The following PTPRD variants were observed in gnomAD, a reference collection of about 807,000 sequenced individuals.
The protein encoded by PTPRD is protein tyrosine phosphatase receptor type D.
In PTPRD, 34 loss-of-function variants were observed where a neutral mutation model predicts 214.5. The ratio of observed to expected loss-of-function variants is 0.16; its 90% CI spans 0.12 to 0.21. The LOEUF is 0.21. Among genes scored for constraint, PTPRD ranks in the 10% least tolerant of loss-of-function variants. PTPRD has a pLI of 1.00. For synonymous variants in PTPRD, 1,128 were observed against 845.7 expected (o/e 1.33, Z -5.79); for missense variants, 2,545 against 2,398.7 (o/e 1.06, Z -1.27).
At chr9:9,097,022 T>C (rs775635775) in intron 10 of PTPRD, among the ~76,000 whole-genome samples, 1 of 152,212 alleles carries the variant, frequency 6.6e-6, no homozygotes, top group Non-Finnish European at 1.5e-5. Flanking sequence ...ACAGCAACAC[T>C]TGAAATTCAG....
At chr9:10,091,506 C>T (rs1291281598) in intron 3 of PTPRD, among the ~76,000 whole-genome samples, 2 of 151,404 alleles carry the variant, frequency 1.3e-5, no homozygotes, top group Non-Finnish European at 3.0e-5. Context: ...ATACTACTTC[C>T]TAAAATAGAA....
At chr9:8,470,359 T>C (rs867297668) in intron 31 of PTPRD, among the ~76,000 whole-genome samples, 2 of 152,142 alleles carry the variant, frequency 1.3e-5, no homozygotes, top group Non-Finnish European at 1.5e-5. Context: ...GTACCAATTA[T>C]AATGCACCTG....
At chr9:9,115,445 G>C (rs1446197530) in intron 10 of PTPRD, among the ~76,000 whole-genome samples, 1 of 152,094 alleles carries the variant, frequency 6.6e-6, no homozygotes, top group Non-Finnish European at 1.5e-5. Context: ...CCTTACCCCA[G>C]CCAGAATGGC....
intron 35 of PTPRD, among the ~76,000 whole-genome samples, chr9:8,430,285 T>G (rs991755272): frequency 2.0e-5 from 3 of 152,016 alleles, no homozygotes; most frequent in African/African-American, 7.2e-5. Context: ...TTTTACTTTT[T>G]TTCAGACAGG....
chr9:9,008,314 G>A (rs983101258), intron 11 of PTPRD, among the ~76,000 whole-genome samples: 3 of 151,160 alleles, frequency 2.0e-5, no homozygotes, highest in East Asian at 2.0e-4. Context: ...TGCAAGCTCC[G>A]CCTCCCCAGT....
chr9:9,300,610 G>A (rs1033074124), intron 9 of PTPRD, among the ~76,000 whole-genome samples: 6 of 151,688 alleles, frequency 4.0e-5, no homozygotes, highest in South Asian at 4.1e-4. Flanking sequence ...TGGGATTAGT[G>A]TCCTTATAAA....
intron 3 of PTPRD, among the ~76,000 whole-genome samples, chr9:10,220,759 GTGTT>G (rs958208798): frequency 2.0e-5 from 3 of 151,654 alleles, no homozygotes; most frequent in African/African-American, 7.3e-5. Context: ...TCTATTATAT[GTGTT>G]TGTATATATG....
intron 3 of PTPRD, among the ~76,000 whole-genome samples, chr9:10,237,386 T>C (rs1001546426): frequency 3.3e-5 from 5 of 151,952 alleles, no homozygotes; most frequent in Admixed American, 3.3e-4. Flanking sequence ...GTGTGCATTT[T>C]TCAAGTCTGG....
rs555627335 is a variant in PTPRD, at chr9:9,008,376, C to T, written c.-104+10321G>A. Among the ~76,000 whole-genome samples the T allele has an allele frequency of 2.5e-3, 380 of 151,822 alleles. 2 individuals carry two copies. The highest frequency in any genetic ancestry group is 8.2e-3 in the African/African-American group (339 of 41,430). ...CCGAGTAGCTGGGACTACAGGCTCC[C>T]GCCACCACACCCGGCTAATTTTTTG... On this transcript the variant is annotated intron_variant, in intron 11 of 45. Coordinates refer to ENST00000381196, the MANE Select transcript of PTPRD (RefSeq NM_002839.4).
chr9:8,441,085 A>G (rs1414426902), intron 34 of PTPRD, among the ~76,000 whole-genome samples: 1 of 152,194 alleles, frequency 6.6e-6, no homozygotes, highest in Non-Finnish European at 1.5e-5. Context: ...AAATGACTGA[A>G]GAGGGCTAAG....
chr9:9,368,131 G>A (rs1047245086), intron 9 of PTPRD, among the ~76,000 whole-genome samples: 5 of 151,698 alleles, frequency 3.3e-5, no homozygotes, highest in African/African-American at 4.8e-5. Context: ...TTTTAAGTAT[G>A]TCAAAAACTG....
chr9:8,398,555 C>T (rs10123746), intron 36 of PTPRD, among the ~76,000 whole-genome samples: 48,091 of 152,078 alleles, frequency 0.32, 8,238 homozygotes, highest in African/African-American at 0.44. Flanking sequence ...TATGTTAAAC[C>T]TAATCACCAC....
At chr9:10,141,718 C>G (rs1191448711) in intron 3 of PTPRD, among the ~76,000 whole-genome samples, 1 of 152,014 alleles carries the variant, frequency 6.6e-6, no homozygotes. Context: ...ATCAAGCTAA[C>G]AATGACTTTC....
At chr9:8,671,618 C>T (rs1013011085) in intron 12 of PTPRD, among the ~76,000 whole-genome samples, 1 of 152,014 alleles carries the variant, frequency 6.6e-6, no homozygotes, top group Non-Finnish European at 1.5e-5. Flanking sequence ...CAGAGAAATG[C>T]CTACACTGAA....
At chr9:8,781,324 G>A (rs2095687286) in intron 11 of PTPRD, among the ~76,000 whole-genome samples, 1 of 152,164 alleles carries the variant, frequency 6.6e-6, no homozygotes. Flanking sequence ...AGCTGTCTCT[G>A]AAGCCTGTGG....
chr9:9,546,248 T>A (rs1035305335), intron 8 of PTPRD, among the ~76,000 whole-genome samples: 3 of 151,846 alleles, frequency 2.0e-5, no homozygotes, highest in Admixed American at 2.0e-4. Flanking sequence ...TTTTGGAATT[T>A]TTACATAGAA....
intron 5 of PTPRD, among the ~76,000 whole-genome samples, chr9:9,829,090 T>C (rs931656559): frequency 6.6e-6 from 1 of 151,838 alleles, no homozygotes; most frequent in African/African-American, 2.4e-5. Context: ...TTTAAACATA[T>C]TTTACATTTA....
chr9:9,196,376 A>C (rs968882335), intron 9 of PTPRD, among the ~76,000 whole-genome samples: 6 of 152,200 alleles, frequency 3.9e-5, no homozygotes, highest in Non-Finnish European at 5.9e-5. Context: ...CCTTGCTCTG[A>C]AATAATTCAG....
At chr9:9,933,693 C>T (rs2087831387) in intron 5 of PTPRD, among the ~76,000 whole-genome samples, 1 of 145,746 alleles carries the variant, frequency 6.9e-6, no homozygotes, top group African/African-American at 2.7e-5. Context: ...AACAAGGATA[C>T]CCAGGAATTG....
Sources: allele counts gnomAD v4.1 joint callset (sites outside exome capture counted in the v4.1 genomes callset), GRCh38; gene constraint gnomAD v4.1.1; transcripts MANE v1.5; gene names NCBI Gene and HGNC (gene_info 2026-07-23, HGNC 2026-07-21).